The following SOX6 variants were observed in gnomAD, a reference collection of about 807,000 sequenced individuals.
SOX6 encodes the protein transcription factor SOX-6.
Under a neutral mutation model 97.8 loss-of-function variants are expected in SOX6, and 11 were observed. The ratio of observed to expected loss-of-function variants is 0.11; its 90% confidence interval spans 0.07 to 0.19. The LOEUF (loss-of-function observed/expected upper bound fraction) is 0.19. Among genes scored for constraint, SOX6 ranks in the 10% least tolerant of loss-of-function variants. SOX6 has a pLI of 1.00. For missense variants in SOX6, 810 were observed against 1,039.5 expected (o/e 0.78, Z 3.04); for synonymous variants, 360 against 371.4 (o/e 0.97, Z 0.35).
At position 16,498,955 on chromosome 11, in the gene SOX6, A is replaced by G. The variant is rs571411788; in HGVS notation, n.610-22567T>C. 3.3e-5 allele frequency among the ~76,000 whole-genome samples: 5 copies of G among 152,304 alleles called. No homozygotes were observed. The East Asian group carries it at 5.8e-4, about 18-fold the overall frequency. ...AATTGAACTCAGCTCTGCACCAAGC[A>G]GACTTAATAGACATCTACAGAACTC... On this transcript the variant is annotated intron_variant and non_coding_transcript_variant, in intron 4 of 5. Transcript: ENST00000524520.
At chr11:16,069,454 AT>A (rs1434730760) in intron 9 of SOX6, among the ~76,000 whole-genome samples, 1 of 152,168 alleles carries the variant, frequency 6.6e-6, no homozygotes, top group Non-Finnish European at 1.5e-5. Flanking sequence ...TATGAAAAAA[AT>A]GTTTTTTTCT....
At chr11:16,589,925 T>C (rs2133971970) in intron 4 of SOX6, among the ~76,000 whole-genome samples, 1 of 152,328 alleles carries the variant, frequency 6.6e-6, no homozygotes, top group Non-Finnish European at 1.5e-5. Flanking sequence ...TTTGAAATTC[T>C]TTTATAAAAG....
At chr11:16,279,263 T>C (rs1854485639) in intron 3 of SOX6, among the ~76,000 whole-genome samples, 2 of 152,068 alleles carry the variant, frequency 1.3e-5, no homozygotes, top group African/African-American at 4.8e-5. Context: ...AAAACTGAGA[T>C]ATAAAGTCAT....
chr11:16,372,698 G>A (rs1249975337), intron 1 of SOX6, among the ~76,000 whole-genome samples: 1 of 152,074 alleles, frequency 6.6e-6, no homozygotes, highest in Non-Finnish European at 1.5e-5. Context: ...TTAAATAAAA[G>A]CAAAGTAATA....
At chr11:16,615,670 A>T (rs1848463069) in intron 3 of SOX6, among the ~76,000 whole-genome samples, 1 of 152,210 alleles carries the variant, frequency 6.6e-6, no homozygotes, top group South Asian at 2.1e-4. Context: ...TTCCCAAAAA[A>T]CATACATGTC....
intron 4 of SOX6, among the ~76,000 whole-genome samples, chr11:16,523,037 C>T (rs563980002): frequency 9.7e-4 from 148 of 152,282 alleles, no homozygotes; most frequent in African/African-American, 3.4e-3. Flanking sequence ...TAATGGGAGA[C>T]TTTAACACCC....
chr11:16,667,003 A>G (rs1033057675), intron 3 of SOX6, among the ~76,000 whole-genome samples: 1 of 152,012 alleles, frequency 6.6e-6, no homozygotes, highest in Admixed American at 6.6e-5. Context: ...TTGGGAAGCC[A>G]AGTCCAGAAG....
chr11:16,505,198 T>C (rs909110117), intron 4 of SOX6, among the ~76,000 whole-genome samples: 3 of 152,180 alleles, frequency 2.0e-5, no homozygotes, highest in South Asian at 2.1e-4. Context: ...AAAATGCTGA[T>C]AGTCATATGG....
At chr11:16,157,890 A>C (rs1237131902) in intron 6 of SOX6, among the ~76,000 whole-genome samples, 1 of 151,958 alleles carries the variant, frequency 6.6e-6, no homozygotes, top group East Asian at 1.9e-4. Flanking sequence ...GATTCATATC[A>C]AATGTCACTT....
intron 4 of SOX6, among the ~76,000 whole-genome samples, chr11:16,558,543 G>A (rs1298145191): frequency 6.6e-6 from 1 of 151,972 alleles, no homozygotes; most frequent in African/African-American, 2.4e-5. Context: ...ACATCCCTTT[G>A]AGAACTTTTA....
intron 6 of SOX6, among the ~76,000 whole-genome samples, chr11:16,118,255 T>C (rs1316588672): frequency 6.6e-6 from 1 of 152,234 alleles, no homozygotes; most frequent in Non-Finnish European, 1.5e-5. Context: ...CAACTGTCCA[T>C]TAATTCTAAA....
intron 3 of SOX6, among the ~76,000 whole-genome samples, chr11:16,627,488 C>T (rs1340565220): frequency 6.6e-6 from 1 of 152,190 alleles, no homozygotes; most frequent in Non-Finnish European, 1.5e-5. Context: ...TAATAATAGC[C>T]ATTCCAACTT....
intron 3 of SOX6, among the ~76,000 whole-genome samples, chr11:16,248,087 C>T (rs890493164): frequency 6.6e-6 from 1 of 152,134 alleles, no homozygotes; most frequent in East Asian, 1.9e-4. Context: ...AGTCATTAAA[C>T]CTTAAAGTTC....
intron 1 of SOX6, among the ~76,000 whole-genome samples, chr11:16,390,583 T>C (rs2089050): frequency 0.6 from 91,009 of 152,142 alleles, 27,285 homozygotes; most frequent in Non-Finnish European, 0.61. Context: ...TTCTATTCCT[T>C]TGCCTCCACT....
chr11:16,572,150 TCA>T (rs757886463), intron 4 of SOX6, among the ~76,000 whole-genome samples: 2 of 132,402 alleles, frequency 1.5e-5, no homozygotes, highest in Non-Finnish European at 3.1e-5. Flanking sequence ...TTGCTTATAA[TCA>T]AAAAAAAATT....
intron 4 of SOX6, among the ~76,000 whole-genome samples, chr11:16,587,255 C>T (rs1458552542): frequency 1.3e-5 from 2 of 152,180 alleles, no homozygotes; most frequent in Non-Finnish European, 2.9e-5. Context: ...TTTGGTTCTG[C>T]CATTTAATGG....
At chr11:16,213,450 T>C (rs1408625447) in intron 4 of SOX6, among the ~76,000 whole-genome samples, 3 of 152,058 alleles carry the variant, frequency 2.0e-5, no homozygotes, top group African/African-American at 4.8e-5. Context: ...TTAAACACAA[T>C]GAAGAATGCA....
intron 2 of SOX6, among the ~76,000 whole-genome samples, chr11:16,335,509 C>T (rs1161162234): frequency 6.6e-6 from 1 of 152,138 alleles, no homozygotes; most frequent in Admixed American, 6.6e-5. Flanking sequence ...AAAGTACAGT[C>T]TCAATAAAAG....
intron 3 of SOX6, among the ~76,000 whole-genome samples, chr11:16,255,089 C>T (rs1018989301): frequency 4.6e-5 from 7 of 151,954 alleles, no homozygotes; most frequent in Non-Finnish European, 1.0e-4. Context: ...ACTATATATA[C>T]ACCTAATAAC....
Sources: allele counts gnomAD v4.1 joint callset (sites outside exome capture counted in the v4.1 genomes callset), GRCh38; gene constraint gnomAD v4.1.1; transcripts MANE v1.5; gene names NCBI Gene and HGNC (gene_info 2026-07-23, HGNC 2026-07-21).